Variants in KLHL1 observed in about 807,000 individuals in gnomAD.
KLHL1 encodes kelch-like protein 1.
Under a neutral mutation model 77.7 loss-of-function variants are expected in KLHL1, and 47 were observed. That is an observed-to-expected ratio of 0.60 (90% CI 0.48 to 0.77). KLHL1 has a LOEUF of 0.77. Among genes scored for constraint, KLHL1 ranks in the 30% least tolerant of loss-of-function variants. The probability of loss-of-function intolerance (pLI) is 0.00; values close to 1 mark genes in which losing one functional copy is unlikely to be tolerated. For synonymous variants in KLHL1, 360 were observed against 325.2 expected (o/e 1.11, Z -1.15); for missense variants, 925 against 910.8 (o/e 1.02, Z -0.20).
chr13:69,886,613 CTCTT>C (rs1424269346), intron 4 of KLHL1, among the ~76,000 whole-genome samples: 1 of 151,944 alleles, frequency 6.6e-6, no homozygotes, highest in Non-Finnish European at 1.5e-5. Context: ...CAACTATCAT[CTCTT>C]TGTTATTAAG....
At chr13:69,934,962 GTATATA>G (rs67195697) in intron 4 of KLHL1, among the ~76,000 whole-genome samples, 52,165 of 129,642 alleles carry the variant, frequency 0.4, 10,601 homozygotes, top group South Asian at 0.48. Context: ...GTGTGCATGT[GTATATA>G]TATATATATA....
At chr13:69,927,216 C>T (rs1029111740) in intron 4 of KLHL1, among the ~76,000 whole-genome samples, 1 of 151,898 alleles carries the variant, frequency 6.6e-6, no homozygotes, top group African/African-American at 2.4e-5. Flanking sequence ...TACACACATG[C>T]AAAATAATAA....
At chr13:69,840,331 C>A (rs977789301) in intron 5 of KLHL1, among the ~76,000 whole-genome samples, 11 of 152,032 alleles carry the variant, frequency 7.2e-5, no homozygotes, top group African/African-American at 2.4e-4. Flanking sequence ...TCAAGCAATT[C>A]TCCTGCCTCA....
At chr13:69,756,737 C>T (rs1193399059) in intron 7 of KLHL1, among the ~76,000 whole-genome samples, 1 of 152,082 alleles carries the variant, frequency 6.6e-6, no homozygotes, top group Admixed American at 6.6e-5. Context: ...GTGGTGTTCT[C>T]CAGCAGTTTG....
chr13:69,742,229 C>T (rs1277645673), intron 7 of KLHL1, among the ~76,000 whole-genome samples: 1 of 152,122 alleles, frequency 6.6e-6, no homozygotes, highest in African/African-American at 2.4e-5. Context: ...AATGCATACC[C>T]ATTGCTCGGG....
intron 4 of KLHL1, among the ~76,000 whole-genome samples, chr13:69,905,780 G>A (rs1882027870): frequency 6.6e-6 from 1 of 151,990 alleles, no homozygotes; most frequent in Admixed American, 6.6e-5. Context: ...TTCTAAGTGG[G>A]CATATTAAAA....
intron 6 of KLHL1, among the ~76,000 whole-genome samples, chr13:69,808,660 G>A (rs1877728485): frequency 6.6e-6 from 1 of 152,072 alleles, no homozygotes; most frequent in South Asian, 2.1e-4. Flanking sequence ...AATACAAAAA[G>A]CCAGTGTTTT....
At chr13:69,991,068 G>A (rs991636009) in intron 1 of KLHL1, among the ~76,000 whole-genome samples, 16 of 151,894 alleles carry the variant, frequency 1.1e-4, no homozygotes, top group African/African-American at 3.9e-4. Context: ...AGTAAATTAG[G>A]AAATTAAAAC....
intron 1 of KLHL1, among the ~76,000 whole-genome samples, chr13:70,009,366 C>T (rs1885477697): frequency 6.6e-6 from 1 of 152,076 alleles, no homozygotes; most frequent in Non-Finnish European, 1.5e-5. Flanking sequence ...CTAGGTGTTG[C>T]ATAGGTAAAG....
At chr13:69,707,009 T>C (rs551327665) in intron 10 of KLHL1, among the ~76,000 whole-genome samples, 3 of 152,074 alleles carry the variant, frequency 2.0e-5, no homozygotes, top group East Asian at 1.9e-4. Flanking sequence ...AAACCAGTCA[T>C]GTTACTCCAA....
chr13:69,830,144 C>T (rs1453660552), intron 6 of KLHL1, among the ~76,000 whole-genome samples: 1 of 150,078 alleles, frequency 6.7e-6, no homozygotes, highest in East Asian at 1.9e-4. Context: ...AAATGCCCCA[C>T]ATAAAAAATA....
At chr13:69,791,876 A>AT (rs1348752349) in intron 7 of KLHL1, among the ~76,000 whole-genome samples, 2 of 152,184 alleles carry the variant, frequency 1.3e-5, no homozygotes, top group Admixed American at 6.5e-5. Flanking sequence ...TTAGAAAATA[A>AT]TTTTTTGGAT....
intron 4 of KLHL1, among the ~76,000 whole-genome samples, chr13:69,910,076 A>G (rs955663118): frequency 6.6e-6 from 1 of 152,066 alleles, no homozygotes; most frequent in African/African-American, 2.4e-5. Flanking sequence ...GCTAGTTCTT[A>G]AAGTATATTT....
At chr13:69,940,461 A>G (rs1295328314) in intron 3 of KLHL1, among the ~76,000 whole-genome samples, 1 of 152,250 alleles carries the variant, frequency 6.6e-6, no homozygotes, top group African/African-American at 2.4e-5. Context: ...TGCAGTTTCA[A>G]TCAACATATC....
At chr13:69,988,566 C>T (rs1208353964) in intron 1 of KLHL1, among the ~76,000 whole-genome samples, 4 of 152,096 alleles carry the variant, frequency 2.6e-5, no homozygotes, top group Admixed American at 2.6e-4. Flanking sequence ...AAGTAATTTA[C>T]ACTCTCCACC....
chr13:69,720,389 T>G (rs1215525934), intron 8 of KLHL1, among the ~76,000 whole-genome samples: 1 of 152,130 alleles, frequency 6.6e-6, no homozygotes, highest in African/African-American at 2.4e-5. Flanking sequence ...ATTTGCTCAC[T>G]ACATATTTTT....
intron 1 of KLHL1, among the ~76,000 whole-genome samples, chr13:70,008,348 C>T (rs977569502): frequency 6.6e-6 from 1 of 151,908 alleles, no homozygotes; most frequent in Non-Finnish European, 1.5e-5. Context: ...TGCCTCATAG[C>T]TTGATTTCAT....
chr13:69,921,909 G>A (rs1372613964), intron 4 of KLHL1, among the ~76,000 whole-genome samples: 1 of 144,320 alleles, frequency 6.9e-6, no homozygotes, highest in Non-Finnish European at 1.5e-5. Context: ...ATAGATTTTT[G>A]TTGAATGATT....
At chr13:70,033,462 TTTTTTA>T (rs911875660) in intron 1 of KLHL1, among the ~76,000 whole-genome samples, 4 of 151,740 alleles carry the variant, frequency 2.6e-5, no homozygotes, top group Non-Finnish European at 1.5e-5. Flanking sequence ...GCTAATTTGT[TTTTTTA>T]TTTTTATTTT....
Sources: allele counts gnomAD v4.1 joint callset (sites outside exome capture counted in the v4.1 genomes callset), GRCh38; gene constraint gnomAD v4.1.1; transcripts MANE v1.5; gene names NCBI Gene and HGNC (gene_info 2026-07-23, HGNC 2026-07-21).